DNAH12: variants seen among roughly 807,000 people sequenced by gnomAD.
DNAH12 encodes dynein axonemal heavy chain 12.
Under a neutral mutation model 371.5 loss-of-function variants are expected in DNAH12, and 285 were observed. The observed-to-expected ratio is 0.77, with a 90% confidence interval of 0.70 to 0.85. DNAH12 has a LOEUF of 0.85. DNAH12 is among the 40% of genes least tolerant of loss of function. The probability of loss-of-function intolerance (pLI) is 0.00; values close to 1 mark genes in which losing one functional copy is unlikely to be tolerated. For missense variants in DNAH12, 3,611 were observed against 3,689.4 expected (o/e 0.98, Z 0.55); for synonymous variants, 1,200 against 1,213.0 (o/e 0.99, Z 0.22).
intron 66 of DNAH12, among the ~76,000 whole-genome samples, chr3:57,313,514 C>T (rs2061623001): frequency 6.6e-6 from 1 of 152,104 alleles, no homozygotes; most frequent in South Asian, 2.1e-4. Context: ...GTTAGCCAAG[C>T]ACAGTGGCAC....
At chr3:57,417,708 C>T (rs545689147) in intron 37 of DNAH12, among the ~76,000 whole-genome samples, 173 of 152,286 alleles carry the variant, frequency 1.1e-3, no homozygotes, top group African/African-American at 4.1e-3. Context: ...TCAAAAATAT[C>T]ACTCATGCCC....
chr3:57,555,241 C>G, the DNAH12 span, among the ~76,000 whole-genome samples: 1 of 151,860 alleles, frequency 6.6e-6, no homozygotes, highest in South Asian at 2.1e-4. Flanking sequence ...AAGGCCCTAC[C>G]TAAAAAATAA....
chr3:57,417,532 A>G (rs1209327047), intron 37 of DNAH12, among the ~76,000 whole-genome samples: 1 of 152,206 alleles, frequency 6.6e-6, no homozygotes, highest in Non-Finnish European at 1.5e-5. Flanking sequence ...AGCCAACTAA[A>G]AACATTCATA....
At chr3:57,339,793 TAA>T (rs2062348529) in intron 60 of DNAH12, among the ~76,000 whole-genome samples, 1 of 151,796 alleles carries the variant, frequency 6.6e-6, no homozygotes, top group African/African-American at 2.4e-5. Context: ...AGAGAGAAAG[TAA>T]AAAATACCTC....
chr3:57,361,451 T>C (rs933047245), intron 58 of DNAH12, among the ~76,000 whole-genome samples: 2 of 141,084 alleles, frequency 1.4e-5, no homozygotes, highest in African/African-American at 2.9e-5. Context: ...ACACTATATA[T>C]ATATATATAT....
At chr3:57,332,720 A>T (rs139908934) in intron 62 of DNAH12, among the ~76,000 whole-genome samples, 59 of 152,302 alleles carry the variant, frequency 3.9e-4, no homozygotes, top group African/African-American at 1.3e-3. Flanking sequence ...TCCTTGCTGA[A>T]CACTATGGTG....
intron 59 of DNAH12, 136 bp from the exon 60 acceptor site, chr3:57,352,361 G>A (rs2062698134): frequency 1.1e-6 from 1 of 919,816 alleles, no homozygotes; most frequent in South Asian, 1.9e-5. Flanking sequence ...ACGAGGGCAT[G>A]TAAAACTGGT....
At chr3:57,337,696 A>C (rs1553654225) in intron 60 of DNAH12, among the ~76,000 whole-genome samples, 1 of 152,102 alleles carries the variant, frequency 6.6e-6, no homozygotes, top group African/African-American at 2.4e-5. Flanking sequence ...ATATATATGC[A>C]TCCAACACCA....
intron 13 of DNAH12, among the ~76,000 whole-genome samples, chr3:57,476,472 G>A (rs1308897629): frequency 6.6e-6 from 1 of 152,152 alleles, no homozygotes; most frequent in Non-Finnish European, 1.5e-5. Flanking sequence ...GCTGAGGCAG[G>A]AGAATCACTT....
rs529994540 is a variant in DNAH12, at chr3:57,453,157, C to T, written c.3613+90G>A. ...TAAAAAAGATTGTGTTAAAAAAATT[C>T]TGTTGAGAGAAGAATACATATAGTA... On this transcript the variant is annotated intron_variant, in intron 24 of 73. Transcript: ENST00000495027. 8.2e-6 allele frequency: 12 copies of T among 1,466,728 alleles called. No homozygotes were observed. In the East Asian group the frequency reaches 2.5e-4, roughly 31 times the overall value. The allele number at this position is 1,466,728 out of a possible 1,614,324, so 90.9% of individuals were successfully genotyped here. A position where few individuals can be genotyped will look rare whatever the true frequency, so the allele number is the denominator to read the frequency against.
chr3:57,531,359 C>T (rs752976871), intron 2 of DNAH12, among the ~76,000 whole-genome samples: 7 of 152,070 alleles, frequency 4.6e-5, no homozygotes, highest in Non-Finnish European at 8.8e-5. Flanking sequence ...GTAAGGTTTC[C>T]ACTGAAGTCT....
At chr3:57,509,952 C>T (rs1321272793) in intron 5 of DNAH12, among the ~76,000 whole-genome samples, 2 of 145,022 alleles carry the variant, frequency 1.4e-5, no homozygotes, top group Non-Finnish European at 3.0e-5. Flanking sequence ...TGAAAATTGT[C>T]AAGAGTAGAT....
At chr3:57,299,548 A>G (rs1436397167) in intron 70 of DNAH12, among the ~76,000 whole-genome samples, 2 of 152,074 alleles carry the variant, frequency 1.3e-5, no homozygotes, top group African/African-American at 2.4e-5. Context: ...GATGCTATGG[A>G]CTGAATGTTT....
At chr3:57,526,048 C>T (rs2068635890) in intron 2 of DNAH12, among the ~76,000 whole-genome samples, 1 of 152,048 alleles carries the variant, frequency 6.6e-6, no homozygotes, top group South Asian at 2.1e-4. Flanking sequence ...CAGGTGTGAG[C>T]CACTGTGCCT....
intron 29 of DNAH12, among the ~76,000 whole-genome samples, chr3:57,437,814 A>G (rs1003229235): frequency 5.9e-5 from 9 of 152,194 alleles, no homozygotes; most frequent in Non-Finnish European, 1.3e-4. Flanking sequence ...GAATGCTTAG[A>G]TCCCAAAATC....
intron 29 of DNAH12, among the ~76,000 whole-genome samples, chr3:57,438,550 G>C (rs897911480): frequency 2.0e-5 from 3 of 152,002 alleles, no homozygotes; most frequent in Admixed American, 6.6e-5. Context: ...CTGCCAAAAG[G>C]CTCCTGAAAC....
At chr3:57,338,544 C>T (rs2062296813) in intron 60 of DNAH12, among the ~76,000 whole-genome samples, 1 of 150,796 alleles carries the variant, frequency 6.6e-6, no homozygotes, top group African/African-American at 2.4e-5. Context: ...GCGTCTCTGC[C>T]CGGCCGCCAC....
intron 62 of DNAH12, 77 bp from the exon 63 acceptor site, chr3:57,323,696 C>T (rs1261049982): frequency 1.5e-6 from 2 of 1,368,146 alleles, no homozygotes; most frequent in Non-Finnish European, 1.9e-6. Context: ...TGAAAAACAA[C>T]AAAGAATACA....
chr3:57,413,976 A>G, intron 38 of DNAH12, 64 bp from the exon 39 acceptor site: 2 of 1,468,202 alleles, frequency 1.4e-6, no homozygotes, highest in Non-Finnish European at 1.8e-6. Flanking sequence ...TCATACTTAT[A>G]TTAAATCAGT....
Sources: gnomAD v4.1 joint callset for allele counts (sites outside exome capture counted in the v4.1 genomes callset) on GRCh38, gnomAD v4.1.1 for gene constraint, MANE v1.5 for transcripts, NCBI Gene and HGNC (gene_info 2026-07-23, HGNC 2026-07-21) for gene names.